The following CDYL variants were observed in gnomAD, a reference collection of about 807,000 sequenced individuals.
CDYL encodes chromodomain Y like, also known as chromodomain Y-like protein.
CDYL carries 8 observed loss-of-function variants against 47.3 expected under a neutral mutation model. The ratio of observed to expected loss-of-function variants is 0.17; its 90% CI spans 0.10 to 0.31. CDYL has a LOEUF of 0.31. CDYL is among the 10% of genes least tolerant of loss of function. The probability of loss-of-function intolerance (pLI) is 1.00; values close to 1 mark genes in which losing one functional copy is unlikely to be tolerated. For missense variants in CDYL, 471 were observed against 701.4 expected, an observed-to-expected ratio of 0.67 and a Z score of 3.71; for synonymous variants, 266 against 265.0, an observed-to-expected ratio of 1.00 and a Z score of -0.04.
chr6:4,909,901 AG>A (rs1363264876), intron 2 of CDYL, among the ~76,000 whole-genome samples: 1 of 152,128 alleles, frequency 6.6e-6, no homozygotes, highest in Non-Finnish European at 1.5e-5. Flanking sequence ...TGTGGCCTAC[AG>A]GACCCTTTGG....
intron 1 of CDYL, among the ~76,000 whole-genome samples, chr6:4,799,118 A>T (rs997469630): frequency 5.3e-5 from 8 of 152,192 alleles, no homozygotes; most frequent in Non-Finnish European, 1.0e-4. Context: ...ATATGCTTTC[A>T]TTAGAATCCA....
rs370763923 is a variant in CDYL at position 4,932,102 on chromosome 6, TG to T, written c.692-3409del. Reference sequence around the variant, plus strand: ...AGTGAAAGCAAGAGCATTCCAGAGGTGGGGAGAGTGGACCTGAAGCCAGCCA... The same window carrying T: ...AGTGAAAGCAAGAGCATTCCAGAGGTGGGAGAGTGGACCTGAAGCCAGCCA... On this transcript the variant is annotated intron_variant, in intron 2 of 6. Transcript: ENST00000397588. Among the ~76,000 whole-genome samples the T allele has an allele frequency of 2.8e-3, 430 of 151,992 alleles. 2 individuals carry two copies. The highest frequency in any genetic ancestry group is 7.7e-3 in the African/African-American group (319 of 41,442).
exon 2 of CDYL, chr6:4,715,764 C>A: frequency 3.7e-6 from 6 of 1,613,796 alleles, no homozygotes; most frequent in Non-Finnish European, 5.1e-6. Context: ...AACACAGAGC[C>A]CCCGGAAGAA....
intron 1 of CDYL, among the ~76,000 whole-genome samples, chr6:4,880,067 C>T (rs1761723970): frequency 6.6e-6 from 1 of 152,192 alleles, no homozygotes; most frequent in East Asian, 1.9e-4. Context: ...CCTTAGTTTA[C>T]ATCAGGGTTC....
intron 5 of CDYL, among the ~76,000 whole-genome samples, chr6:4,945,239 A>AT (rs1209524086): frequency 6.6e-6 from 1 of 152,160 alleles, no homozygotes; most frequent in African/African-American, 2.4e-5. Flanking sequence ...GTTATGTGAC[A>AT]TTTTTTAACC....
intron 2 of CDYL, among the ~76,000 whole-genome samples, chr6:4,722,305 A>T (rs1232298637): frequency 6.6e-6 from 1 of 152,118 alleles, no homozygotes; most frequent in African/African-American, 2.4e-5. Flanking sequence ...CAACAAAAAA[A>T]TTAAGCACTT....
intron 1 of CDYL, among the ~76,000 whole-genome samples, chr6:4,826,891 C>A (rs1759995966): frequency 6.6e-6 from 1 of 152,212 alleles, no homozygotes; most frequent in Non-Finnish European, 1.5e-5. Context: ...CTGTCCTGTA[C>A]TGAAAATGTA....
chr6:4,931,459 C>T (rs1191883609), intron 2 of CDYL, among the ~76,000 whole-genome samples: 5 of 152,068 alleles, frequency 3.3e-5, no homozygotes, highest in Non-Finnish European at 5.9e-5. Flanking sequence ...AGGTCATAGG[C>T]GTTCTAGGCA....
intron 2 of CDYL, among the ~76,000 whole-genome samples, chr6:4,920,386 A>G (rs1757677134): frequency 6.6e-6 from 1 of 152,240 alleles, no homozygotes; most frequent in Admixed American, 6.5e-5. Context: ...GACTTGTGAA[A>G]AATATGCATA....
chr6:4,794,977 C>G lies in CDYL; in HGVS notation c.24+18170C>G, dbSNP rs571138138. Among the ~76,000 whole-genome samples, 7 of 147,974 alleles carry G rather than the reference C, an allele frequency of 4.7e-5. No homozygotes were observed. The South Asian group carries it at 1.3e-3, about 27-fold the overall frequency. On this transcript the variant is annotated intron_variant, in intron 1 of 6. Coordinates refer to ENST00000397588, the MANE Select transcript of CDYL (RefSeq NM_004824.4). ...ATAGGGATAGTTTTTTTTTTCTTTT[C>G]GAACTCCTGCAGTACCTGTTATTTC...
chr6:4,925,285 A>G (rs1045051633), intron 2 of CDYL, among the ~76,000 whole-genome samples: 1 of 152,188 alleles, frequency 6.6e-6, no homozygotes, highest in Non-Finnish European at 1.5e-5. Flanking sequence ...CTGATGGTAT[A>G]TCAATGTCTT....
At chr6:4,777,824 C>T (rs1457907789) in intron 1 of CDYL, among the ~76,000 whole-genome samples, 6 of 152,146 alleles carry the variant, frequency 3.9e-5, no homozygotes, top group African/African-American at 1.2e-4. Flanking sequence ...GCTTTGTTGT[C>T]TGCGATGTTA....
At chr6:4,888,322 G>T (rs1238824130) in intron 1 of CDYL, among the ~76,000 whole-genome samples, 1 of 152,064 alleles carries the variant, frequency 6.6e-6, no homozygotes, top group African/African-American at 2.4e-5. Context: ...GGGAGGTTTT[G>T]ATGATCAGTC....
At chr6:4,870,633 C>T (rs559116997) in intron 1 of CDYL, among the ~76,000 whole-genome samples, 1 of 152,082 alleles carries the variant, frequency 6.6e-6, no homozygotes, top group East Asian at 1.9e-4. Context: ...TAGGGTATTC[C>T]CATTACATGT....
At chr6:4,938,399 A>G (rs1013744394) in intron 4 of CDYL, among the ~76,000 whole-genome samples, 2 of 151,878 alleles carry the variant, frequency 1.3e-5, no homozygotes, top group African/African-American at 4.8e-5. Flanking sequence ...GTCTTCCCCA[A>G]CCTTTTTCTG....
intron 2 of CDYL, among the ~76,000 whole-genome samples, chr6:4,934,443 A>G (rs1195168395): frequency 2.0e-5 from 3 of 152,168 alleles, no homozygotes; most frequent in Non-Finnish European, 4.4e-5. Flanking sequence ...ATGTCCATTC[A>G]TGAGTTTTCT....
At chr6:4,780,926 A>T (rs1758602183) in intron 1 of CDYL, among the ~76,000 whole-genome samples, 1 of 152,306 alleles carries the variant, frequency 6.6e-6, no homozygotes, top group South Asian at 2.1e-4. Context: ...TAAGGAACGT[A>T]TGCTGTAGTA....
At chr6:4,878,361 A>G (rs1761673945) in intron 1 of CDYL, among the ~76,000 whole-genome samples, 2 of 151,342 alleles carry the variant, frequency 1.3e-5, no homozygotes, top group South Asian at 4.2e-4. Flanking sequence ...CTGGGGTTTG[A>G]TGTGTGTGTG....
upstream of CDYL, chr6:4,773,198 G>A (rs770679680): frequency 2.2e-6 from 1 of 457,358 alleles, no homozygotes; most frequent in Admixed American, 2.3e-5. The surrounding 1 kb of genome is among the most constrained non-coding windows in gnomAD (Gnocchi z 4.6). Flanking sequence ...GTTTATTGCT[G>A]GTAGACGTGT....
Sources: gnomAD v4.1 joint callset for allele counts (sites outside exome capture counted in the v4.1 genomes callset) on GRCh38, gnomAD v4.1.1 for gene constraint, Gnocchi (gnomAD v3.1) non-coding constraint, MANE v1.5 for transcripts, NCBI Gene and HGNC (gene_info 2026-07-23, HGNC 2026-07-21) for gene names.